Variants in TNRC6A observed in about 807,000 individuals in gnomAD.
TNRC6A encodes the protein trinucleotide repeat-containing gene 6A protein.
Under a neutral mutation model 221.2 loss-of-function variants are expected in TNRC6A, and 44 were observed. The observed-to-expected ratio is 0.20, with a 90% CI of 0.16 to 0.26. The LOEUF (loss-of-function observed/expected upper bound fraction) is 0.26. TNRC6A is among the 10% of genes least tolerant of loss of function. The pLI, the probability that TNRC6A is intolerant of heterozygous loss-of-function variation, is 1.00. For synonymous variants in TNRC6A, 847 were observed against 838.5 expected (o/e 1.01, Z -0.18); for missense variants, 2,199 against 2,404.4 (o/e 0.91, Z 1.79).
intron 18 of TNRC6A, among the ~76,000 whole-genome samples, chr16:24,811,253 T>C (rs951230694): frequency 2.0e-5 from 3 of 152,082 alleles, no homozygotes; most frequent in African/African-American, 7.2e-5. Context: ...AAAGTCTGAT[T>C]TGTTAAGGGG....
At chr16:24,654,252 G>C (rs2141863064) in intron 2 of TNRC6A, among the ~76,000 whole-genome samples, 1 of 152,294 alleles carries the variant, frequency 6.6e-6, no homozygotes, top group Non-Finnish European at 1.5e-5. Context: ...CATATTAAAT[G>C]AATCTATATA....
At chr16:24,640,700 G>A (rs1414472333) in intron 1 of TNRC6A, among the ~76,000 whole-genome samples, 37 of 148,050 alleles carry the variant, frequency 2.5e-4, no homozygotes, top group African/African-American at 9.4e-4. Context: ...CTGCACTCTG[G>A]CCTGGGCGAC....
chr16:24,748,571 C>T (rs2057065183), intron 2 of TNRC6A, among the ~76,000 whole-genome samples: 1 of 152,094 alleles, frequency 6.6e-6, no homozygotes, highest in African/African-American at 2.4e-5. Flanking sequence ...TCCAGTTATC[C>T]TTTTAGCTGA....
intron 1 of TNRC6A, among the ~76,000 whole-genome samples, chr16:24,630,507 AAAC>A (rs1481514619): frequency 6.6e-6 from 1 of 152,158 alleles, no homozygotes; most frequent in South Asian, 2.1e-4. Context: ...CTACAAAAAC[AAAC>A]AACAACAACA....
intron 2 of TNRC6A, among the ~76,000 whole-genome samples, chr16:24,713,407 A>G (rs28892971): frequency 0.44 from 66,585 of 151,364 alleles, 16,291 homozygotes; most frequent in East Asian, 0.75. Flanking sequence ...GACAGAGTAA[A>G]ACTCTGTCTA....
chr16:24,628,085 TG>T (rs1007063202), intron 1 of TNRC6A, among the ~76,000 whole-genome samples: 1 of 151,938 alleles, frequency 6.6e-6, no homozygotes, highest in Non-Finnish European at 1.5e-5. Flanking sequence ...TTAAACAACA[TG>T]GGTTTGAACT....
At position 24,729,683 on chromosome 16, in the gene TNRC6A, G is replaced by C; in HGVS notation, c.-159G>C. 2 of 750,180 alleles carry C rather than the reference G, an allele frequency of 2.7e-6. No homozygotes were observed. Among genetic ancestry groups the C allele is most frequent in the Non-Finnish European group, 3.5e-6 (2 of 565,102 alleles). The allele number at this position is 750,180 out of a possible 1,614,324, so 46.5% of individuals were successfully genotyped here. On this transcript the variant is annotated 5_prime_UTR_variant, in exon 1 of 25. Transcript: ENST00000395799. ...GTCTGGGGCCTGCGGCGGCGGCGGTGTCGGCGGCGGCGGCGGCGGCGGCGG... is the reference window on the plus strand; with the variant it reads ...GTCTGGGGCCTGCGGCGGCGGCGGTCTCGGCGGCGGCGGCGGCGGCGGCGG...
chr16:24,724,623 G>A (rs895166824), intron 2 of TNRC6A, among the ~76,000 whole-genome samples: 3 of 152,092 alleles, frequency 2.0e-5, no homozygotes, highest in Non-Finnish European at 2.9e-5. Context: ...ACTTGCGGCT[G>A]TAGTCTCAGC....
At chr16:24,746,840 G>A (rs892896344) in intron 2 of TNRC6A, among the ~76,000 whole-genome samples, 1 of 152,174 alleles carries the variant, frequency 6.6e-6, no homozygotes, top group African/African-American at 2.4e-5. Context: ...AGAGTAGGAA[G>A]GGGCATTCTA....
chr16:24,812,038 TTTTTTTTTTTTTTTTTTTTTTTTTTTTTG>T, intron 18 of TNRC6A, among the ~76,000 whole-genome samples: 1 of 30,536 alleles, frequency 3.3e-5, no homozygotes. Flanking sequence ...TTTTTTTTTT[TTTTTTTTTTTTTTTTTTTTTTTTTTTTTG>T]AGACAGAGTC....
intron 2 of TNRC6A, among the ~76,000 whole-genome samples, chr16:24,736,399 C>A (rs993789603): frequency 3.3e-5 from 5 of 152,068 alleles, no homozygotes; most frequent in Non-Finnish European, 7.4e-5. Flanking sequence ...TCTGTCTGGT[C>A]CCTATTCAGA....
intron 3 of TNRC6A, among the ~76,000 whole-genome samples, chr16:24,758,115 G>C (rs1276282743): frequency 2.0e-5 from 3 of 152,130 alleles, no homozygotes. Flanking sequence ...CAAAAATTAG[G>C]TATTTTAAAT....
In TNRC6A at chr16:24,777,172, GA is replaced by G; in HGVS notation, c.405del (p.Val136TyrfsTer14). The G allele has an allele frequency of 6.2e-7, 1 of 1,614,112 alleles. No homozygotes were observed. Among genetic ancestry groups the G allele is most frequent in the Non-Finnish European group, 8.5e-7 (1 of 1,180,026 alleles). ...QPQALPRYPR[E>X]VPPRFRHQEH... Reference sequence around the variant, plus strand: ...ACAGGCCTTGCCTCGGTATCCTCGTGAAGTACCTCCACGATTTCGCCACCAG... The same window carrying G: ...ACAGGCCTTGCCTCGGTATCCTCGTGAGTACCTCCACGATTTCGCCACCAG... On this transcript the variant is annotated frameshift_variant, in exon 5 of 25. Transcript: ENST00000395799. LOFTEE classifies it high-confidence loss of function.
chr16:24,785,301 C>T (rs1229494251), intron 5 of TNRC6A, among the ~76,000 whole-genome samples: 1 of 152,212 alleles, frequency 6.6e-6, no homozygotes, highest in African/African-American at 2.4e-5. Flanking sequence ...TTTGCAGACT[C>T]TTGTTAACAA....
At chr16:24,612,419 C>A (rs904241897) in intron 1 of TNRC6A, among the ~76,000 whole-genome samples, 13 of 151,796 alleles carry the variant, frequency 8.6e-5, no homozygotes, top group African/African-American at 2.7e-4. Flanking sequence ...TTTTCTCCAG[C>A]GTCCACACAG....
At chr16:24,794,379 T>G (rs1355793156) in intron 7 of TNRC6A, among the ~76,000 whole-genome samples, 165 bp from the exon 8 acceptor site, 2 of 152,216 alleles carry the variant, frequency 1.3e-5, no homozygotes, top group Non-Finnish European at 2.9e-5. Context: ...AAGGTTTAGC[T>G]CAGTATAAAA....
Position 24,804,714 on chromosome 16 carries a change from G to T in TNRC6A, c.3847G>T (p.Val1283Leu). Residue 1283 changes from valine (V) to leucine (L), a missense_variant, in exon 13 of 25, where the codon GTA (valine) becomes TTA (leucine). By Grantham distance (32) the Val-to-Leu change is conservative. Coordinates refer to ENST00000395799, the MANE Select transcript of TNRC6A (RefSeq NM_014494.4). ...CTGTCTGTCCAATCAGGATGGCATT[G>T]TAGCAGATGAATCCCAAAACATGCA... is the stretch of plus-strand genomic sequence containing the variant. ...RNPYFDKDGI[V>L]ADESQNMQFM... is the part of the protein sequence containing the mutation. 1.9e-6 allele frequency: 3 copies of T among 1,591,386 alleles called. No homozygotes were observed. Among genetic ancestry groups the T allele is most frequent in the Non-Finnish European group, 2.6e-6 (3 of 1,174,292 alleles).
chr16:24,729,452 G>A (rs2056555147), upstream of TNRC6A, among the ~76,000 whole-genome samples: 1 of 151,684 alleles, frequency 6.6e-6, no homozygotes, highest in Non-Finnish European at 1.5e-5. Context: ...GGTTGGACTC[G>A]GGACTCCGCA....
At position 24,812,720 on chromosome 16, in the gene TNRC6A, G is replaced by A. The variant is rs559045871; in HGVS notation, c.4673-2427G>A. Among the ~76,000 whole-genome samples the A allele has an allele frequency of 5.9e-5, 9 of 152,176 alleles. No individual in the cohort carries two copies. In the South Asian group the frequency reaches 1.9e-3, roughly 32 times the overall value. On this transcript the variant is annotated intron_variant, in intron 18 of 24. Transcript: ENST00000395799. ...CTCTACCATCTAGGTTTGTGTAAGG[G>A]CACTCTGATGTTCACACAAAAATGA...
Sources: gnomAD v4.1 joint callset for allele counts (sites outside exome capture counted in the v4.1 genomes callset) on GRCh38, gnomAD v4.1.1 for gene constraint, MANE v1.5 for transcripts, NCBI Gene and HGNC (gene_info 2026-07-23, HGNC 2026-07-21) for gene names.